FAM171A1: variants seen among roughly 807,000 people sequenced by gnomAD.
FAM171A1 encodes the protein protein FAM171A1.
A neutral mutation model predicts 74.9 loss-of-function variants in FAM171A1; 23 were observed. That is an observed-to-expected ratio of 0.31 (90% CI 0.22 to 0.44). The LOEUF is 0.44. Ranked by LOEUF, FAM171A1 falls within the 20% of genes least tolerant of loss-of-function variation. The pLI is 1.00. For missense variants in FAM171A1, 1,162 were observed against 1,159.2 expected (o/e 1.00, Z -0.03); for synonymous variants, 527 against 505.7 (o/e 1.04, Z -0.57).
chr10:15,259,415 C>T (rs1388849154), intron 3 of FAM171A1, among the ~76,000 whole-genome samples: 2 of 152,138 alleles, frequency 1.3e-5, no homozygotes, highest in South Asian at 2.1e-4. Flanking sequence ...AAACCATCAA[C>T]GGATCTCTCC....
At chr10:15,311,331 A>G (rs1249254533) in intron 1 of FAM171A1, among the ~76,000 whole-genome samples, 1 of 152,176 alleles carries the variant, frequency 6.6e-6, no homozygotes, top group African/African-American at 2.4e-5. Context: ...TGACATTTCA[A>G]TGACTTAGAG....
At chr10:15,349,897 C>T (rs1191391427) in intron 1 of FAM171A1, among the ~76,000 whole-genome samples, 3 of 152,112 alleles carry the variant, frequency 2.0e-5, no homozygotes, top group Non-Finnish European at 4.4e-5. Flanking sequence ...AAACAAATCA[C>T]ATGAGATTAG....
rs755655635 is a variant in FAM171A1, at chr10:15,223,022, C to T, written c.755-1962G>A. Among the ~76,000 whole-genome samples the T allele has an allele frequency of 3.3e-5, 5 of 152,140 alleles. No homozygotes were observed. In the East Asian group the frequency reaches 5.8e-4, roughly 18 times the overall value. On this transcript the variant is annotated intron_variant, in intron 5 of 7. Transcript: ENST00000378116. ...CTACAGGACTATTGTACAAGGGGAG[C>T]GACAACGTAAGATGTTTGACATATT...
At chr10:15,323,660 T>C (rs1835514977) in intron 1 of FAM171A1, among the ~76,000 whole-genome samples, 1 of 152,162 alleles carries the variant, frequency 6.6e-6, no homozygotes, top group African/African-American at 2.4e-5. Flanking sequence ...AACATTTTAA[T>C]GGCATCAGGC....
chr10:15,358,583 G>T (rs1454602568), intron 1 of FAM171A1, among the ~76,000 whole-genome samples: 1 of 152,164 alleles, frequency 6.6e-6, no homozygotes, highest in Non-Finnish European at 1.5e-5. Context: ...ATCCCAGCTA[G>T]GTGTAAACCC....
At chr10:15,253,311 A>G (rs1834533788) in intron 4 of FAM171A1, among the ~76,000 whole-genome samples, 1 of 152,124 alleles carries the variant, frequency 6.6e-6, no homozygotes, top group South Asian at 2.1e-4. Flanking sequence ...GCCTTAAACC[A>G]CTTCTTCATG....
intron 1 of FAM171A1, among the ~76,000 whole-genome samples, chr10:15,326,712 C>G (rs922156794): frequency 2.0e-5 from 3 of 152,102 alleles, no homozygotes; most frequent in African/African-American, 7.2e-5. Context: ...ACTGCAGCCT[C>G]TGTCCCCCAG....
At chr10:15,367,696 G>C (rs7917426) in intron 1 of FAM171A1, among the ~76,000 whole-genome samples, 3,125 of 152,316 alleles carry the variant, frequency 0.021, 99 homozygotes, top group African/African-American at 0.071. Context: ...GCCAATCATT[G>C]TCTTCAAATG....
intron 1 of FAM171A1, among the ~76,000 whole-genome samples, chr10:15,309,665 G>A (rs373971229): frequency 1.3e-5 from 2 of 152,266 alleles, no homozygotes; most frequent in East Asian, 3.8e-4. Flanking sequence ...TCAATAGCAT[G>A]TGAACTTGAA....
chr10:15,279,548 G>A (rs907983762), intron 2 of FAM171A1, among the ~76,000 whole-genome samples: 1 of 152,034 alleles, frequency 6.6e-6, no homozygotes, highest in African/African-American at 2.4e-5. Flanking sequence ...TAGAGGGAAA[G>A]GAACATCTCA....
At chr10:15,357,858 A>G (rs905867635) in intron 1 of FAM171A1, among the ~76,000 whole-genome samples, 1 of 152,188 alleles carries the variant, frequency 6.6e-6, no homozygotes, top group Non-Finnish European at 1.5e-5. Flanking sequence ...GTTTCTTTGT[A>G]TGACTGACAT....
rs1833918226 is a variant in FAM171A1 at position 15,213,308 on chromosome 10, C to G, written c.2280G>C (p.Leu760Phe). 6.2e-7 allele frequency: 1 copy of G among 1,614,166 alleles called. No individual in the cohort carries two copies. The highest frequency in any genetic ancestry group is 8.5e-7 in the Non-Finnish European group (1 of 1,180,030). The change falls in exon 8 of 8, where the codon TTG (leucine) becomes TTC (phenylalanine). Residue 760 changes from leucine to phenylalanine, a missense_variant. Transcript: ENST00000378116. This position sits in a 1 kb window ranked among gnomAD's most constrained non-coding sequence, Gnocchi z 6.8. ...CGGGCGGGTAGTTCTGCTGCAGAGA[C>G]AAAGCATCTCCCCTTCCCTTCCGGG... ...KSARKGRGDA[L>F]SLQQNYPPVQ...
At chr10:15,239,572 G>A (rs562613679) in intron 5 of FAM171A1, among the ~76,000 whole-genome samples, 199 of 152,182 alleles carry the variant, frequency 1.3e-3, no homozygotes, top group Non-Finnish European at 2.4e-3. Context: ...CAAAGTGCTG[G>A]GATTACAGGT....
At chr10:15,322,924 G>A (rs2131849569) in intron 1 of FAM171A1, among the ~76,000 whole-genome samples, 1 of 152,198 alleles carries the variant, frequency 6.6e-6, no homozygotes, top group Middle Eastern at 3.4e-3. Flanking sequence ...TGGATCCCTT[G>A]AGGCCAGGAG....
intron 1 of FAM171A1, among the ~76,000 whole-genome samples, chr10:15,326,195 ATCATTTCACTCAG>A (rs1835552877): frequency 6.6e-6 from 1 of 152,130 alleles, no homozygotes; most frequent in Admixed American, 6.5e-5. Flanking sequence ...CCTGTAACCC[ATCATTTCACTCAG>A]TCATTTCACT....
At chr10:15,246,326 G>A (rs1834434725) in intron 5 of FAM171A1, among the ~76,000 whole-genome samples, 1 of 152,084 alleles carries the variant, frequency 6.6e-6, no homozygotes, top group South Asian at 2.1e-4. Flanking sequence ...TTAATTATTT[G>A]GAAAGTAAAA....
rs779523563 is a variant in FAM171A1, at chr10:15,214,153, A to T, written c.1435T>A (p.Ser479Thr). 6.2e-7 allele frequency: 1 copy of T among 1,613,838 alleles called. No homozygotes were observed. The highest frequency in any genetic ancestry group is 2.2e-5 in the East Asian group (1 of 44,862). The part of the protein sequence containing the change: ...RKSMEREGYE[S>T]SGNDDYRGSY... ...CCCCTGTAGTCATCATTGCCCGAGGACTCGTAGCCTTCTCTTTCCATAGAT... is the reference window on the plus strand; with the variant it reads ...CCCCTGTAGTCATCATTGCCCGAGGTCTCGTAGCCTTCTCTTTCCATAGAT... Residue 479 changes from serine (S) to threonine (T), a missense_variant, in exon 8 of 8, where the codon TCC becomes ACC. Transcript: ENST00000378116.
chr10:15,257,639 A>G (rs1834597714), intron 3 of FAM171A1, among the ~76,000 whole-genome samples: 1 of 152,010 alleles, frequency 6.6e-6, no homozygotes, highest in African/African-American at 2.4e-5. Context: ...ATCCTCATGG[A>G]AAGGATATGG....
At position 15,368,737 on chromosome 10, in the gene FAM171A1, G is replaced by A. The variant is rs1836096452; in HGVS notation, c.97+2219C>T. Among the ~76,000 whole-genome samples, 4 of 152,206 alleles carry A rather than the reference G, an allele frequency of 2.6e-5. No individual in the cohort carries two copies. The South Asian group carries it at 8.3e-4, about 32-fold the overall frequency. On this transcript the variant is annotated intron_variant, in intron 1 of 7. Transcript: ENST00000378116. ...CAAAGTGAAATCAGATGCAGCATTT[G>A]TCTTCATCGTGTACATGATCCAGGA...
Sources: gnomAD v4.1 joint callset for allele counts (sites outside exome capture counted in the v4.1 genomes callset) on GRCh38, gnomAD v4.1.1 for gene constraint, Gnocchi (gnomAD v3.1) non-coding constraint, MANE v1.5 for transcripts, NCBI Gene and HGNC (gene_info 2026-07-23, HGNC 2026-07-21) for gene names.